The following OR3A2 variants were observed in gnomAD, a reference collection of about 807,000 sequenced individuals.
OR3A2 encodes olfactory receptor family 3 subfamily A member 2, also known as olfactory receptor 3A2.
For missense variants in OR3A2, 318 were observed against 392.8 expected, an observed-to-expected ratio of 0.81 and a Z score of 1.61; for synonymous variants, 126 against 159.3, an observed-to-expected ratio of 0.79 and a Z score of 1.57.
rs1355217610 is a variant in OR3A2 at position 3,352,319 on chromosome 17, A to AT, written c.-178-16194dup. Among the ~76,000 whole-genome samples, 6 of 151,748 alleles carry AT rather than the reference A, an allele frequency of 4.0e-5. No individual in the cohort carries two copies. The South Asian group carries it at 1.0e-3, about 26-fold the overall frequency. On this transcript the variant is annotated intron_variant, in intron 2 of 4. Transcript: ENST00000573491. ...CTGCTTGTGGAATATTACTTAAAAC[A>AT]TTTTTGCACAGACCAATGTCCTGAA... is the stretch of plus-strand genomic sequence containing the variant.
exon 2 of OR3A2, chr17:3,277,319 T>C (rs1218984844): frequency 6.6e-6 from 1 of 152,296 alleles, no homozygotes. Context: ...GCACTAGGCC[T>C]ATGGTTTTGG....
chr17:3,321,998 TC>T (rs1472761673), intron 3 of OR3A2, among the ~76,000 whole-genome samples: 2 of 152,150 alleles, frequency 1.3e-5, no homozygotes, highest in Non-Finnish European at 2.9e-5. Context: ...CAGCTGTGAA[TC>T]CATCTGGTCC....
chr17:3,346,713 C>T (rs1362417318), intron 2 of OR3A2, among the ~76,000 whole-genome samples: 1 of 151,998 alleles, frequency 6.6e-6, no homozygotes, highest in Non-Finnish European at 1.5e-5. Flanking sequence ...CCTTCCCAGC[C>T]TCTGCTCTTC....
intron 2 of OR3A2, among the ~76,000 whole-genome samples, chr17:3,380,020 T>C (rs2049720283): frequency 6.6e-6 from 1 of 152,108 alleles, no homozygotes; most frequent in Non-Finnish European, 1.5e-5. Context: ...CTCCACAGAA[T>C]TTCCAGGCTA....
At chr17:3,347,615 C>G (rs565843902) in intron 2 of OR3A2, among the ~76,000 whole-genome samples, 28 of 152,272 alleles carry the variant, frequency 1.8e-4, no homozygotes, top group East Asian at 7.7e-4. Context: ...TGGTGTATAT[C>G]TGCCACATTT....
chr17:3,284,433 C>T (rs992368883), upstream of OR3A2: 19 of 151,802 alleles, frequency 1.3e-4, 1 homozygote, highest in African/African-American at 4.4e-4. Flanking sequence ...CGTTATCCTC[C>T]CGGAGAGCGA....
At chr17:3,332,095 G>A (rs1298678122) in intron 3 of OR3A2, among the ~76,000 whole-genome samples, 1 of 152,118 alleles carries the variant, frequency 6.6e-6, no homozygotes, top group Non-Finnish European at 1.5e-5. Flanking sequence ...GCTGTGTGCT[G>A]GGAGAACCAC....
chr17:3,377,967 A>G (rs566445219), intron 2 of OR3A2, among the ~76,000 whole-genome samples: 4 of 152,048 alleles, frequency 2.6e-5, no homozygotes, highest in Admixed American at 1.3e-4. Flanking sequence ...AAATGAAAAC[A>G]TAACAAGGAG....
chr17:3,344,536 C>G (rs1349552483), intron 2 of OR3A2, among the ~76,000 whole-genome samples: 2 of 152,128 alleles, frequency 1.3e-5, no homozygotes, highest in Non-Finnish European at 2.9e-5. Context: ...TTGCCCTCCT[C>G]CAGGAAAGGG....
At chr17:3,348,323 G>A (rs2150651974) in intron 2 of OR3A2, among the ~76,000 whole-genome samples, 1 of 152,186 alleles carries the variant, frequency 6.6e-6, no homozygotes, top group Non-Finnish European at 1.5e-5. Flanking sequence ...CCTTGCCCAT[G>A]CCTATGTCCT....
intron 3 of OR3A2, among the ~76,000 whole-genome samples, chr17:3,327,983 G>T (rs1033572917): frequency 4.5e-5 from 6 of 132,184 alleles, no homozygotes; most frequent in Admixed American, 3.9e-4. Flanking sequence ...TTTGAAGTCA[G>T]GTAGTGTGAT....
intron 2 of OR3A2, among the ~76,000 whole-genome samples, chr17:3,376,363 C>A (rs1567572888): frequency 6.6e-6 from 1 of 152,216 alleles, no homozygotes; most frequent in East Asian, 1.9e-4. Flanking sequence ...CCATTTATGT[C>A]TTTTGTCTTT....
At chr17:3,332,438 T>C (rs1472182801) in intron 3 of OR3A2, among the ~76,000 whole-genome samples, 1 of 152,208 alleles carries the variant, frequency 6.6e-6, no homozygotes, top group African/African-American at 2.4e-5. Flanking sequence ...AAAAGCGCAA[T>C]ATTCGGGTGG....
chr17:3,323,237 C>T (rs1303791236), intron 3 of OR3A2, among the ~76,000 whole-genome samples: 1 of 152,106 alleles, frequency 6.6e-6, no homozygotes, highest in Non-Finnish European at 1.5e-5. Flanking sequence ...TCCTCCATCC[C>T]TTTATTTTGA....
At chr17:3,342,544 T>A (rs2049327963) in intron 2 of OR3A2, among the ~76,000 whole-genome samples, 1 of 152,220 alleles carries the variant, frequency 6.6e-6, no homozygotes, top group South Asian at 2.1e-4. Flanking sequence ...CTGTTAGAGT[T>A]TGCCGGAAGT....
At chr17:3,363,580 A>G (rs2049537063) in intron 2 of OR3A2, among the ~76,000 whole-genome samples, 2 of 151,744 alleles carry the variant, frequency 1.3e-5, no homozygotes, top group South Asian at 4.1e-4. Context: ...TCTTCTTCTG[A>G]GCCCTCCAAA....
intron 3 of OR3A2, among the ~76,000 whole-genome samples, chr17:3,327,051 T>A (rs1183002362): frequency 2.4e-5 from 2 of 83,332 alleles, no homozygotes; most frequent in Admixed American, 1.7e-4. Flanking sequence ...TGATTTATAA[T>A]CCTTTGGGTA....
chr17:3,343,284 A>G (rs1010448376), intron 2 of OR3A2, among the ~76,000 whole-genome samples: 43 of 152,232 alleles, frequency 2.8e-4, no homozygotes, highest in African/African-American at 9.1e-4. Context: ...ACCAGTTCCA[A>G]TGAGATGAAC....
chr17:3,282,520 G>A lies in OR3A2; in HGVS notation c.-7+1838C>T, dbSNP rs139992739. ...GATGTCTCCAATGTGAGGCTGTCTC[G>A]ATGACCAGCCTTCCAAATGAGGTCT... On this transcript the variant is annotated intron_variant, in intron 1 of 1. Transcript: ENST00000642052. Among the ~76,000 whole-genome samples the A allele has an allele frequency of 3.6e-3, 547 of 152,292 alleles. 3 individuals carry two copies. The highest frequency in any genetic ancestry group is 0.01 in the Middle Eastern group (3 of 294).
Sources: allele counts gnomAD v4.1 joint callset (sites outside exome capture counted in the v4.1 genomes callset), GRCh38; gene constraint gnomAD v4.1.1; transcripts MANE v1.5; gene names NCBI Gene and HGNC (gene_info 2026-07-23, HGNC 2026-07-21).